PHKG2: variants seen among roughly 807,000 people sequenced by gnomAD.
PHKG2 encodes phosphorylase b kinase gamma catalytic chain, liver/testis isoform.
A neutral mutation model predicts 44.5 loss-of-function variants in PHKG2; 28 were observed. The ratio of observed to expected loss-of-function variants is 0.63; its 90% CI spans 0.47 to 0.86. PHKG2 has a LOEUF of 0.86. PHKG2 is among the 40% of genes least tolerant of loss of function. The pLI, the probability that PHKG2 is intolerant of heterozygous loss-of-function variation, is 0.00. For missense variants in PHKG2, 498 were observed against 547.5 expected (o/e 0.91, Z 0.90); for synonymous variants, 220 against 211.2 (o/e 1.04, Z -0.36).
chr16:30,760,566 C>CTT lies in PHKG2; in HGVS notation c.*3471_*3472dup, dbSNP rs2053689158. On this transcript the variant is annotated 3_prime_UTR_variant, in exon 10 of 10. Transcript: ENST00000563588. ...TGTTTTCCCAACCTGACCCCTCAGC[C>CTT]TTTGCCAAGAGCTCTTCCCACGCCC... The CTT allele has an allele frequency of 6.3e-7, 1 of 1,577,290 alleles. No individual in the cohort carries two copies. The highest frequency in any genetic ancestry group is 1.4e-5 in the African/African-American group (1 of 73,842).
At position 30,761,065 on chromosome 16, in the gene PHKG2, T is replaced by C; in HGVS notation, c.*3968T>C. 1 of 1,020,716 alleles carries C rather than the reference T, an allele frequency of 9.8e-7. No homozygotes were observed. Among genetic ancestry groups the C allele is most frequent in the Non-Finnish European group, 1.4e-6 (1 of 700,892 alleles). 63.2% of individuals were successfully genotyped at this position (1,020,716 alleles called of 1,614,324 possible). A position where few individuals can be genotyped will look rare whatever the true frequency, so the allele number is the denominator to read the frequency against. ...GAGAGGCTGGAAAGCCAACTTCCAG[T>C]CACCTGGAGTAATTGCATCTCCAGG... On this transcript the variant is annotated 3_prime_UTR_variant, in exon 10 of 10. Coordinates refer to ENST00000563588, the MANE Select transcript of PHKG2 (RefSeq NM_000294.3).
At position 30,758,870 on chromosome 16, in the gene PHKG2, C is replaced by A; in HGVS notation, c.*1773C>A. ...GGCCTGCAGCTGTGCTTTTATCTGT[C>A]ATCTTGGACTTCTGCATAAGGGATC... On this transcript the variant is annotated 3_prime_UTR_variant, in exon 10 of 10. Coordinates refer to ENST00000563588, the MANE Select transcript of PHKG2 (RefSeq NM_000294.3). The A allele has an allele frequency of 7.2e-7, 1 of 1,391,982 alleles. No individual in the cohort carries two copies. The allele number at this position is 1,391,982 out of a possible 1,614,324, so 86.2% of individuals were successfully genotyped here. A position where few individuals can be genotyped will look rare whatever the true frequency, so the allele number is the denominator to read the frequency against.
rs565885002 is a variant in PHKG2 at position 30,751,738 on chromosome 16, C to T, written c.326+135C>T. The T allele has an allele frequency of 4.8e-6, 4 of 836,078 alleles. No homozygotes were observed. In the East Asian group the frequency reaches 9.7e-5, roughly 20 times the overall value. The allele number at this position is 836,078 out of a possible 1,614,324, so 51.8% of individuals were successfully genotyped here. A position where few individuals can be genotyped will look rare whatever the true frequency, so the allele number is the denominator to read the frequency against. On this transcript the variant is annotated intron_variant, in intron 4 of 9. Coordinates refer to ENST00000563588, the MANE Select transcript of PHKG2 (RefSeq NM_000294.3). ...AGCTGGGGCTCTCTATCACCTGGGC[C>T]TGCCTGCTAGCGCATGGCTCTGGCC...
intron 6 of PHKG2, among the ~76,000 whole-genome samples, chr16:30,754,512 C>G (rs1184750478): frequency 6.6e-6 from 1 of 152,150 alleles, no homozygotes; most frequent in Non-Finnish European, 1.5e-5. Context: ...CTCCACAGCC[C>G]TGTGTGACAG....
intron 2 of PHKG2, among the ~76,000 whole-genome samples, chr16:30,749,886 T>G (rs1409005916): frequency 6.6e-6 from 1 of 152,118 alleles, no homozygotes; most frequent in Non-Finnish European, 1.5e-5. Context: ...CTGTATCAAG[T>G]GCTATGGGAT....
In PHKG2 at chr16:30,756,982, A is replaced by G. The variant is rs2053440054; in HGVS notation, c.1106A>G (p.Asn369Ser). 6.2e-7 allele frequency: 1 copy of G among 1,612,300 alleles called. No homozygotes were observed. The highest frequency in any genetic ancestry group is 1.3e-5 in the African/African-American group (1 of 74,920). Residue 369 changes from asparagine to serine, a missense_variant, in exon 10 of 10, where the codon AAC becomes AGC. By Grantham distance (46) the Asn-to-Ser change is conservative. Coordinates refer to ENST00000563588, the MANE Select transcript of PHKG2 (RefSeq NM_000294.3). Reference sequence around the variant, plus strand: ...TGGGTAAAGAAAGGGGAGCAGCAGAACCGGGCGGCTCTCTTTCAGCACCGG... The same window carrying G: ...TGGGTAAAGAAAGGGGAGCAGCAGAGCCGGGCGGCTCTCTTTCAGCACCGG... The part of the protein sequence containing the change: ...GHWVKKGEQQ[N>S]RAALFQHRPP...
Position 30,759,969 on chromosome 16 carries a change from C to G in PHKG2, c.*2872C>G. On this transcript the variant is annotated 3_prime_UTR_variant, in exon 10 of 10. Coordinates refer to ENST00000563588, the MANE Select transcript of PHKG2 (RefSeq NM_000294.3). Reference sequence around the variant, plus strand: ...AAGCTTATATTCTAGGGGAATAAACCAAGAAATAGATCATTTCAGCTATTA... The same window carrying G: ...AAGCTTATATTCTAGGGGAATAAACGAAGAAATAGATCATTTCAGCTATTA... 6.9e-7 allele frequency: 1 copy of G among 1,451,952 alleles called. No individual in the cohort carries two copies. Among genetic ancestry groups the G allele is most frequent in the East Asian group, 2.5e-5 (1 of 40,392 alleles). The allele number at this position is 1,451,952 out of a possible 1,614,324, so 89.9% of individuals were successfully genotyped here.
chr16:30,753,087 G>T, intron 4 of PHKG2, 145 bp from the exon 5 acceptor site: 1 of 726,316 alleles, frequency 1.4e-6, no homozygotes, highest in Non-Finnish European at 2.5e-6. Context: ...TGCCTTGTTG[G>T]AGTGCTGTGT....
At position 30,759,805 on chromosome 16, in the gene PHKG2, A is replaced by G; in HGVS notation, c.*2708A>G. 1.3e-6 allele frequency: 2 copies of G among 1,524,564 alleles called. No homozygotes were observed. The highest frequency in any genetic ancestry group is 1.8e-6 in the Non-Finnish European group (2 of 1,139,748). The allele number at this position is 1,524,564 out of a possible 1,614,324, so 94.4% of individuals were successfully genotyped here. A position where few individuals can be genotyped will look rare whatever the true frequency, so the allele number is the denominator to read the frequency against. ...CTTCACTCAACAGCTGTTTATGACC[A>G]TGAGCTTCAGAAGCAGACAGATCTG... On this transcript the variant is annotated 3_prime_UTR_variant, in exon 10 of 10. Transcript: ENST00000563588.
Position 30,758,706 on chromosome 16 carries a change from C to T in PHKG2, c.*1609C>T, listed in dbSNP as rs574298869. 37 of 381,968 alleles carry T rather than the reference C, an allele frequency of 9.7e-5. No homozygotes were observed. In the East Asian group the frequency reaches 2.2e-3, roughly 22 times the overall value. The allele number at this position is 381,968 out of a possible 1,614,324, so 23.7% of individuals were successfully genotyped here. On this transcript the variant is annotated 3_prime_UTR_variant, in exon 10 of 10. Coordinates refer to ENST00000563588, the MANE Select transcript of PHKG2 (RefSeq NM_000294.3). The stretch of plus-strand genomic sequence containing the variant: ...GAGTAGCTGGGACTACAAGCGCGCA[C>T]CACCATGCCTGGCTATTTTTTGTAT...
Position 30,758,989 on chromosome 16 carries a change from G to A in PHKG2, c.*1892G>A. On this transcript the variant is annotated 3_prime_UTR_variant, in exon 10 of 10. Coordinates refer to ENST00000563588, the MANE Select transcript of PHKG2 (RefSeq NM_000294.3). Reference sequence around the variant, plus strand: ...TACACCTGCTCAGAGGGACAGGGCAGCCTGCCCTCTCCAGATCCTCACTTG... The same window carrying A: ...TACACCTGCTCAGAGGGACAGGGCAACCTGCCCTCTCCAGATCCTCACTTG... The A allele has an allele frequency of 1.2e-6, 2 of 1,613,926 alleles. No individual in the cohort carries two copies. Among genetic ancestry groups the A allele is most frequent in the South Asian group, 1.1e-5 (1 of 91,064 alleles).
chr16:30,757,348 G>A lies in PHKG2; in HGVS notation c.*251G>A. On this transcript the variant is annotated 3_prime_UTR_variant, in exon 10 of 10. Coordinates refer to ENST00000563588, the MANE Select transcript of PHKG2 (RefSeq NM_000294.3). Reference sequence around the variant, plus strand: ...ATGCACTGCATATGAAATAAAATCTGCTACACGCCAGGGAGAACAGGTGTC... The same window carrying A: ...ATGCACTGCATATGAAATAAAATCTACTACACGCCAGGGAGAACAGGTGTC... The A allele has an allele frequency of 3.9e-6, 6 of 1,530,894 alleles. No homozygotes were observed. In the South Asian group the frequency reaches 7.8e-5, roughly 20 times the overall value. 94.8% of individuals were successfully genotyped at this position (1,530,894 alleles called of 1,614,324 possible).
Position 30,751,604 on chromosome 16 carries a change from G to A in PHKG2, c.326+1G>A. 3.1e-6 allele frequency: 5 copies of A among 1,612,346 alleles called. No homozygotes were observed. The highest frequency in any genetic ancestry group is 4.2e-6 in the Non-Finnish European group (5 of 1,178,426). On this transcript the variant is annotated splice_donor_variant, in intron 4 of 9. Coordinates refer to ENST00000563588, the MANE Select transcript of PHKG2 (RefSeq NM_000294.3). LOFTEE classifies it high-confidence loss of function. ...GCTTCATGTTCCTGGTGTTTGACCT[G>A]TGAGTATCTCCCTGCCACCATCTGA... is the stretch of plus-strand genomic sequence containing the variant.
chr16:30,753,019 T>C, intron 4 of PHKG2: 1 of 597,554 alleles, frequency 1.7e-6, no homozygotes, highest in Non-Finnish European at 3.0e-6. Context: ...ATTTTTGCCA[T>C]AATTGCCCCA....
chr16:30,760,776 CTT>C lies in PHKG2; in HGVS notation c.*3682_*3683del, dbSNP rs2053715225. ...TTGGCCACCGGCGTGAAGCTGGGCT[CTT>C]TTGCCAGCTTGCTGTGTGACTATGC... On this transcript the variant is annotated 3_prime_UTR_variant, in exon 10 of 10. Transcript: ENST00000563588. 3 of 940,144 alleles carry C rather than the reference CTT, an allele frequency of 3.2e-6. No homozygotes were observed. Among genetic ancestry groups the C allele is most frequent in the Admixed American group, 2.0e-5 (1 of 49,920 alleles). The allele number at this position is 940,144 out of a possible 1,614,324, so 58.2% of individuals were successfully genotyped here.
Position 30,757,816 on chromosome 16 carries a change from AG to A in PHKG2, c.*721del. On this transcript the variant is annotated 3_prime_UTR_variant, in exon 10 of 10. Coordinates refer to ENST00000563588, the MANE Select transcript of PHKG2 (RefSeq NM_000294.3). ...AAATGTTAGCAAGCCCTTGTGTGAG[AG>A]GTAGTTGGGTAGGGTGGCTATGCTG... 1 of 1,415,584 alleles carries A rather than the reference AG, an allele frequency of 7.1e-7. No individual in the cohort carries two copies. Among genetic ancestry groups the A allele is most frequent in the Non-Finnish European group, 9.2e-7 (1 of 1,089,272 alleles). The allele number at this position is 1,415,584 out of a possible 1,614,324, so 87.7% of individuals were successfully genotyped here.
rs751538068 is a variant in PHKG2, at chr16:30,759,064, A to G, written c.*1967A>G. 1.2e-6 allele frequency: 2 copies of G among 1,614,192 alleles called. No homozygotes were observed. Among genetic ancestry groups the G allele is most frequent in the Non-Finnish European group, 1.7e-6 (2 of 1,180,026 alleles). ...TCTCTAGTTCCTCTTTCTGCGGGGT[A>G]ACTGCCTGCTCCTCCATCTCCTTGC... On this transcript the variant is annotated 3_prime_UTR_variant, in exon 10 of 10. Coordinates refer to ENST00000563588, the MANE Select transcript of PHKG2 (RefSeq NM_000294.3).
Position 30,756,500 on chromosome 16 carries a change from TC to T in PHKG2, c.783del (p.Ser262AlafsTer6), listed in dbSNP as rs1372753669. The T allele has an allele frequency of 6.2e-7, 1 of 1,613,210 alleles. No individual in the cohort carries two copies. ...QFSSPEWDDR[S>X]STVKDLISRL... ...CAGTTCCCCCGAGTGGGATGACCGTTCCAGCACTGTCAAAGACCTGGTGAGC... is the reference window on the plus strand; with the variant it reads ...CAGTTCCCCCGAGTGGGATGACCGTTCAGCACTGTCAAAGACCTGGTGAGC... On this transcript the variant is annotated frameshift_variant, in exon 8 of 10. Transcript: ENST00000563588. LOFTEE classifies it high-confidence loss of function.
Position 30,760,724 on chromosome 16 carries a change from G to T in PHKG2, c.*3627G>T. The T allele has an allele frequency of 1.4e-6, 2 of 1,467,502 alleles. No individual in the cohort carries two copies. Among genetic ancestry groups the T allele is most frequent in the East Asian group, 2.5e-5 (1 of 40,488 alleles). The allele number at this position is 1,467,502 out of a possible 1,614,324, so 90.9% of individuals were successfully genotyped here. The stretch of plus-strand genomic sequence containing the variant: ...GGCCGTTACCTATCATGACAAGGCT[G>T]TGACAGCTAGTGCGTGAGACTGGGA... On this transcript the variant is annotated 3_prime_UTR_variant, in exon 10 of 10. Coordinates refer to ENST00000563588, the MANE Select transcript of PHKG2 (RefSeq NM_000294.3).
Sources: gnomAD v4.1 joint callset for allele counts (sites outside exome capture counted in the v4.1 genomes callset) on GRCh38, gnomAD v4.1.1 for gene constraint, MANE v1.5 for transcripts, NCBI Gene and HGNC (gene_info 2026-07-23, HGNC 2026-07-21) for gene names.